The following EFCAB14 variants were observed in gnomAD, a reference collection of about 807,000 sequenced individuals.
EFCAB14 encodes EF-hand calcium binding domain 14.
Under a neutral mutation model 56.5 loss-of-function variants are expected in EFCAB14, and 43 were observed. The ratio of observed to expected loss-of-function variants is 0.76; its 90% CI spans 0.60 to 0.98. The LOEUF is 0.98. Ranked by LOEUF, EFCAB14 falls within the 50% of genes least tolerant of loss-of-function variation. EFCAB14 has a pLI of 0.00. For synonymous variants in EFCAB14, 235 were observed against 212.9 expected (o/e 1.10, Z -0.90); for missense variants, 538 against 580.3 (o/e 0.93, Z 0.75).
chr1:46,705,328 T>C (rs1677218470), intron 3 of EFCAB14, among the ~76,000 whole-genome samples: 1 of 152,280 alleles, frequency 6.6e-6, no homozygotes, highest in East Asian at 1.9e-4. Flanking sequence ...ATGGAAAGGG[T>C]TTCACTGCAA....
chr1:46,709,844 C>G (rs1384040181), intron 2 of EFCAB14, among the ~76,000 whole-genome samples: 2 of 151,948 alleles, frequency 1.3e-5, no homozygotes, highest in African/African-American at 4.8e-5. Context: ...AAAAATTAGC[C>G]AGGCGTGGTG....
In EFCAB14 at chr1:46,718,313, T is replaced by C. The variant is rs536620917; in HGVS notation, c.-226A>G. ...ATGGGTGGGGGAAATCACATAGAAA[T>C]GGCCAAGGAGCTGGTGACCCCAAAG... On this transcript the variant is annotated 5_prime_UTR_variant, in exon 1 of 11. Coordinates refer to ENST00000371933, the MANE Select transcript of EFCAB14 (RefSeq NM_014774.3). 116 of 493,000 alleles carry C rather than the reference T, an allele frequency of 2.4e-4. 1 individual carries two copies. The highest frequency in any genetic ancestry group is 2.1e-3 in the African/African-American group (112 of 52,166). The allele number at this position is 493,000 out of a possible 1,614,324, so 30.5% of individuals were successfully genotyped here. A position where few individuals can be genotyped will look rare whatever the true frequency, so the allele number is the denominator to read the frequency against.
chr1:46,701,431 A>C (rs997438567), intron 3 of EFCAB14, among the ~76,000 whole-genome samples: 12 of 152,232 alleles, frequency 7.9e-5, no homozygotes, highest in African/African-American at 9.7e-5. Context: ...TGAGGGGACA[A>C]ACACCTTCCT....
At position 46,676,722 on chromosome 1, in the gene EFCAB14, C is replaced by A. The variant is rs574434768; in HGVS notation, c.*1739G>T. The A allele has an allele frequency of 2.0e-5, 3 of 152,588 alleles. No individual in the cohort carries two copies. In the South Asian group the frequency reaches 6.2e-4, roughly 32 times the overall value. 9.5% of individuals were successfully genotyped at this position (152,588 alleles called of 1,614,324 possible). A position where few individuals can be genotyped will look rare whatever the true frequency, so the allele number is the denominator to read the frequency against. On this transcript the variant is annotated 3_prime_UTR_variant, in exon 11 of 11. Coordinates refer to ENST00000371933, the MANE Select transcript of EFCAB14 (RefSeq NM_014774.3). The stretch of plus-strand genomic sequence containing the variant: ...AAAGTGCCAGGCTAATTTGTTTTAA[C>A]CTTTCCAAGAAAGTGAAACTGAGCA...
intron 4 of EFCAB14, among the ~76,000 whole-genome samples, chr1:46,694,579 C>T (rs1466118440): frequency 6.6e-6 from 1 of 152,182 alleles, no homozygotes; most frequent in African/African-American, 2.4e-5. Flanking sequence ...CAGGAAACAA[C>T]AGGTGCTGGA....
Position 46,678,578 on chromosome 1 carries a change from C to G in EFCAB14, c.1371G>C (p.Gln457His), listed in dbSNP as rs1676734202. The G allele has an allele frequency of 3.1e-6, 5 of 1,614,114 alleles. No individual in the cohort carries two copies. The highest frequency in any genetic ancestry group is 4.2e-6 in the Non-Finnish European group (5 of 1,180,006). ...CAGAACCTAGGGAGGTCCAGATTTC[C>G]TGGTAGGTCAGCTTCCCATCCACGT... The part of the protein sequence containing the change: ...GQDVDGKLTY[Q>H]EIWTSLGSAM... The change falls in exon 11 of 11, where the codon CAG becomes CAC. Residue 457 changes from glutamine (Q) to histidine (H), a missense_variant. Transcript: ENST00000371933.
At chr1:46,693,888 C>T (rs529433207) in intron 4 of EFCAB14, among the ~76,000 whole-genome samples, 1 of 152,018 alleles carries the variant, frequency 6.6e-6, no homozygotes, top group Non-Finnish European at 1.5e-5. Flanking sequence ...GAGATATAGA[C>T]CAATGGAACA....
chr1:46,700,050 A>G (rs1305467947), intron 3 of EFCAB14, among the ~76,000 whole-genome samples: 1 of 152,180 alleles, frequency 6.6e-6, no homozygotes, highest in African/African-American at 2.4e-5. Context: ...TCCAGGTTAT[A>G]AAGACCCGGA....
chr1:46,687,048 C>T (rs1413811417), intron 7 of EFCAB14, 178 bp from the exon 8 acceptor site: 11 of 611,720 alleles, frequency 1.8e-5, no homozygotes, highest in African/African-American at 1.9e-5. Flanking sequence ...AGGCCAGAGA[C>T]GAAGTTGAAA....
chr1:46,681,663 G>GTTTTTTTT (rs10654448), intron 10 of EFCAB14, among the ~76,000 whole-genome samples: 2 of 149,222 alleles, frequency 1.3e-5, no homozygotes, highest in African/African-American at 2.5e-5. Context: ...GAAGAGTTCT[G>GTTTTTTTT]TTTTTTTTTT....
At chr1:46,679,273 T>A (rs563702595) in intron 10 of EFCAB14, among the ~76,000 whole-genome samples, 1 of 152,202 alleles carries the variant, frequency 6.6e-6, no homozygotes, top group African/African-American at 2.4e-5. Context: ...CCTACGGTCA[T>A]GTAACTCTTA....
At position 46,687,032 on chromosome 1, in the gene EFCAB14, G is replaced by A. The variant is rs148914051; in HGVS notation, c.988-162C>T. Reference sequence around the variant, plus strand: ...AGGAGTGGGAGATGGGAGGAGAGAGGGAGAAAGGCCAGAGACGAAGTTGAA... The same window carrying A: ...AGGAGTGGGAGATGGGAGGAGAGAGAGAGAAAGGCCAGAGACGAAGTTGAA... On this transcript the variant is annotated intron_variant, in intron 7 of 10. Coordinates refer to ENST00000371933, the MANE Select transcript of EFCAB14 (RefSeq NM_014774.3). 7.0e-3 allele frequency: 4,485 copies of A among 642,794 alleles called. 76 individuals carry two copies. Among genetic ancestry groups the A allele is most frequent in the Admixed American group, 0.038 (1,372 of 35,842 alleles). 39.8% of individuals were successfully genotyped at this position (642,794 alleles called of 1,614,324 possible).
In EFCAB14 at chr1:46,691,823, T is replaced by C. The variant is rs1321758221; in HGVS notation, c.690+4A>G. 2 of 1,610,106 alleles carry C rather than the reference T, an allele frequency of 1.2e-6. No homozygotes were observed. The highest frequency in any genetic ancestry group is 8.5e-7 in the Non-Finnish European group (1 of 1,177,700). ...GAGCATGCTGACTTGCTGGGTCTCC[T>C]TACCATATCACTCTGCAGTAATTCC... On this transcript the variant is annotated splice_donor_region_variant and intron_variant, in intron 5 of 10. Coordinates refer to ENST00000371933, the MANE Select transcript of EFCAB14 (RefSeq NM_014774.3).
intron 10 of EFCAB14, among the ~76,000 whole-genome samples, chr1:46,679,123 G>A (rs903779596): frequency 2.6e-5 from 4 of 152,244 alleles, no homozygotes; most frequent in African/African-American, 4.8e-5. Flanking sequence ...AAAACAGACT[G>A]TGGCATATTG....
At position 46,689,620 on chromosome 1, in the gene EFCAB14, A is replaced by G. The variant is rs778374712; in HGVS notation, c.762T>C (p.Leu254=). The change falls in exon 6 of 11, where the codon CTT becomes CTC. Residue 254 remains leucine, a synonymous_variant. Transcript: ENST00000371933. ...AATTCTCACTGTGGGTTTTATTGTC[A>G]AGTTCTGATGTGGCTGAAGGTGACG... The part of the protein sequence containing the change: ...IIPSPSATSE[L]DNKTHSENLK... 1.9e-6 allele frequency: 3 copies of G among 1,613,860 alleles called. No individual in the cohort carries two copies. Among genetic ancestry groups the G allele is most frequent in the Admixed American group, 3.3e-5 (2 of 60,010 alleles).
chr1:46,690,617 A>G (rs947208047), intron 5 of EFCAB14, among the ~76,000 whole-genome samples: 2 of 152,190 alleles, frequency 1.3e-5, no homozygotes, highest in African/African-American at 4.8e-5. Flanking sequence ...ATTACTTGAG[A>G]GCATAATCAA....
intron 3 of EFCAB14, among the ~76,000 whole-genome samples, chr1:46,699,439 A>G (rs1039609734): frequency 6.6e-6 from 1 of 152,210 alleles, no homozygotes; most frequent in African/African-American, 2.4e-5. Context: ...CAAGACTATA[A>G]GCTCCACATG....
chr1:46,684,640 A>G lies in EFCAB14; in HGVS notation c.1075-38T>C, dbSNP rs929147330. The G allele has an allele frequency of 2.6e-6, 4 of 1,543,208 alleles. No homozygotes were observed. The African/African-American group carries it at 5.4e-5, about 21-fold the overall frequency. ...AAGATTATAGAAGGTTTAAGGTGGT[A>G]GTAAGACTTCATCTAAGTGTCCACT... On this transcript the variant is annotated intron_variant, in intron 8 of 10. Coordinates refer to ENST00000371933, the MANE Select transcript of EFCAB14 (RefSeq NM_014774.3).
chr1:46,705,207 T>C (rs1218872943), intron 3 of EFCAB14, among the ~76,000 whole-genome samples: 1 of 152,230 alleles, frequency 6.6e-6, no homozygotes, highest in Admixed American at 6.5e-5. Flanking sequence ...AACACAAGTC[T>C]CTGCTTTCCC....
Sources: gnomAD v4.1 joint callset for allele counts (sites outside exome capture counted in the v4.1 genomes callset) on GRCh38, gnomAD v4.1.1 for gene constraint, MANE v1.5 for transcripts, NCBI Gene and HGNC (gene_info 2026-07-23, HGNC 2026-07-21) for gene names.